SLC26A5: variants seen among roughly 807,000 people sequenced by gnomAD.
SLC26A5 encodes the protein solute carrier family 26 member 5.
In SLC26A5, 51 loss-of-function variants were observed where a neutral mutation model predicts 81.0. The observed-to-expected ratio is 0.63, with a 90% CI of 0.50 to 0.80. The LOEUF is 0.80. Ranked by LOEUF, SLC26A5 falls within the 30% of genes least tolerant of loss-of-function variation. SLC26A5 has a pLI of 0.00. For synonymous variants in SLC26A5, 325 were observed against 332.8 expected, an observed-to-expected ratio of 0.98 and a Z score of 0.25; for missense variants, 771 against 905.8, an observed-to-expected ratio of 0.85 and a Z score of 1.91.
chr7:103,407,660 ATCTGTG>A (rs1184918302), intron 8 of SLC26A5, among the ~76,000 whole-genome samples, 185 bp downstream of exon 8: 1 of 152,218 alleles, frequency 6.6e-6, no homozygotes, highest in Non-Finnish European at 1.5e-5. Context: ...TTAAAAAATC[ATCTGTG>A]TCTATGTTTT....
At chr7:103,362,797 T>A in intron 19 of SLC26A5, 3 of 965,028 alleles carry the variant, frequency 3.1e-6, no homozygotes, top group Non-Finnish European at 4.4e-6. Flanking sequence ...GCTATGTCTT[T>A]TTTTTTTTTT....
At chr7:103,369,257 C>G (rs1163925818), downstream of SLC26A5, 1 of 152,088 alleles carries the variant, frequency 6.6e-6, no homozygotes, top group East Asian at 1.9e-4. Context: ...TTTTTTAACC[C>G]TGCCCTAATT....
At chr7:103,425,695 A>G (rs1431544420) in intron 2 of SLC26A5, among the ~76,000 whole-genome samples, 2 of 152,212 alleles carry the variant, frequency 1.3e-5, no homozygotes, top group African/African-American at 4.8e-5. Flanking sequence ...AAAGTACATG[A>G]AATCAGTTTT....
exon 20 of SLC26A5, chr7:103,352,880 G>A (rs375674742): frequency 4.4e-5 from 34 of 780,708 alleles, no homozygotes; most frequent in Middle Eastern, 2.2e-4. Context: ...TGGATTACAC[G>A]GCATTTCCCC....
chr7:103,425,106 C>T (rs895407997), intron 2 of SLC26A5, among the ~76,000 whole-genome samples: 7 of 152,280 alleles, frequency 4.6e-5, no homozygotes, highest in African/African-American at 1.2e-4. Context: ...TCGTGACACC[C>T]GTGAATCTGA....
In SLC26A5 at chr7:103,416,731, G is replaced by C. The variant is rs560285900; in HGVS notation, c.293-3619C>G. Among the ~76,000 whole-genome samples the C allele has an allele frequency of 3.3e-5, 5 of 151,840 alleles. No homozygotes were observed. In the South Asian group the frequency reaches 8.3e-4, roughly 25 times the overall value. ...TGCTTGCCATATATATATTTTTCCTGTTCCACGTGTCTCCTCTCTCATTTT... is the reference window on the plus strand; with the variant it reads ...TGCTTGCCATATATATATTTTTCCTCTTCCACGTGTCTCCTCTCTCATTTT... On this transcript the variant is annotated intron_variant, in intron 4 of 19. Coordinates refer to ENST00000306312, the MANE Select transcript of SLC26A5 (RefSeq NM_198999.3).
chr7:103,434,074 C>T (rs1348643768), intron 2 of SLC26A5, among the ~76,000 whole-genome samples: 1 of 152,054 alleles, frequency 6.6e-6, no homozygotes, highest in Non-Finnish European at 1.5e-5. Flanking sequence ...TGGATTAGCT[C>T]CACTCTTTCT....
intron 2 of SLC26A5, among the ~76,000 whole-genome samples, chr7:103,424,572 C>T (rs1825588278): frequency 6.6e-6 from 1 of 152,032 alleles, no homozygotes; most frequent in Non-Finnish European, 1.5e-5. Context: ...GTCTTTTGTC[C>T]TAGTTCAGAA....
In SLC26A5 at chr7:103,420,823, T is replaced by C; in HGVS notation, c.207A>G (p.Lys69=). The C allele has an allele frequency of 6.2e-7, 1 of 1,613,894 alleles. No homozygotes were observed. The highest frequency in any genetic ancestry group is 8.5e-7 in the Non-Finnish European group (1 of 1,179,762). Residue 69 remains lysine, a synonymous_variant, in exon 4 of 20, where the codon AAA becomes AAG. Coordinates refer to ENST00000306312, the MANE Select transcript of SLC26A5 (RefSeq NM_198999.3). ...CCTTGAATTTGTATGCTGGCAGCCA[T>C]TTAGTTATGGGTAGGAACATATAAA... is the stretch of plus-strand genomic sequence containing the variant. ...NIIYMFLPIT[K]WLPAYKFKEY... is the part of the protein sequence containing the mutation.
chr7:103,400,092 G>C (rs545682480), intron 8 of SLC26A5, among the ~76,000 whole-genome samples: 1 of 151,596 alleles, frequency 6.6e-6, no homozygotes. Context: ...ACCCAGTAAC[G>C]GGATTGCTGG....
chr7:103,389,897 A>G (rs983020129), intron 12 of SLC26A5, among the ~76,000 whole-genome samples: 1 of 152,170 alleles, frequency 6.6e-6, no homozygotes, highest in African/African-American at 2.4e-5. Context: ...CAAAGTGCCA[A>G]TTACAGGTGT....
chr7:103,421,237 A>G, intron 3 of SLC26A5, 126 bp downstream of exon 3: 1 of 1,096,726 alleles, frequency 9.1e-7, no homozygotes, highest in Non-Finnish European at 1.3e-6. Context: ...ACAGCTTTGC[A>G]AACCATGATG....
intron 4 of SLC26A5, among the ~76,000 whole-genome samples, chr7:103,417,257 C>A (rs1824981950): frequency 6.6e-6 from 1 of 151,374 alleles, no homozygotes; most frequent in Non-Finnish European, 1.5e-5. Flanking sequence ...GTAGTCCCAG[C>A]TACTCAGGAG....
downstream of SLC26A5, among the ~76,000 whole-genome samples, chr7:103,369,895 C>T (rs975145838): frequency 2.6e-5 from 4 of 152,134 alleles, no homozygotes; most frequent in Admixed American, 6.5e-5. Context: ...TTATCTGTTA[C>T]GTAAAGTGAA....
At chr7:103,422,393 A>T (rs1006519200) in intron 2 of SLC26A5, among the ~76,000 whole-genome samples, 11 of 152,356 alleles carry the variant, frequency 7.2e-5, no homozygotes, top group Middle Eastern at 6.8e-3. Flanking sequence ...CTGTGTCATC[A>T]TCAATACATC....
At chr7:103,405,212 C>T (rs1254974715) in intron 8 of SLC26A5, among the ~76,000 whole-genome samples, 1 of 152,162 alleles carries the variant, frequency 6.6e-6, no homozygotes, top group African/African-American at 2.4e-5. Flanking sequence ...TCTCCATCCA[C>T]TTTTGTTCCC....
intron 2 of SLC26A5, among the ~76,000 whole-genome samples, chr7:103,428,558 CTTTTTT>C (rs10592922): frequency 0.045 from 5,283 of 118,104 alleles, 132 homozygotes; most frequent in Non-Finnish European, 0.047. Context: ...CCTGCCAGTA[CTTTTTT>C]TTTTTTTTTT....
At chr7:103,353,819 T>G in intron 19 of SLC26A5, 1 of 1,025,120 alleles carries the variant, frequency 9.8e-7, no homozygotes, top group Non-Finnish European at 1.5e-6. Context: ...GACACTCACT[T>G]AAAACAATTT....
intron 19 of SLC26A5, among the ~76,000 whole-genome samples, chr7:103,359,954 G>A (rs371451251): frequency 9.3e-4 from 141 of 152,012 alleles, no homozygotes; most frequent in African/African-American, 3.1e-3. Context: ...GGTGGCAGGC[G>A]CCTGTAATCC....
Sources: allele counts gnomAD v4.1 joint callset (sites outside exome capture counted in the v4.1 genomes callset), GRCh38; gene constraint gnomAD v4.1.1; transcripts MANE v1.5; gene names NCBI Gene and HGNC (gene_info 2026-07-23, HGNC 2026-07-21).